OR6J1: variants seen among roughly 807,000 people sequenced by gnomAD.
The protein encoded by OR6J1 is olfactory receptor 6J1.
For synonymous variants in OR6J1, 109 were observed against 70.0 expected, an observed-to-expected ratio of 1.56 and a Z score of -2.78; for missense variants, 304 against 166.8, an observed-to-expected ratio of 1.82 and a Z score of -4.53.
chr14:22,631,569 A>T lies in OR6J1; in HGVS notation c.*2199T>A, dbSNP rs1210352788. ...CCTGTTCTTTTTCCAAGGTGCCCAG[A>T]TTTCGTATTTGTTCAAACACACATG... On this transcript the variant is annotated 3_prime_UTR_variant, in exon 2 of 2. Transcript: ENST00000540461. The T allele has an allele frequency of 6.6e-6, 1 of 152,134 alleles. No individual in the cohort carries two copies. The highest frequency in any genetic ancestry group is 1.5e-5 in the Non-Finnish European group (1 of 68,046). 9.4% of individuals were successfully genotyped at this position (152,134 alleles called of 1,614,324 possible). A position where few individuals can be genotyped will look rare whatever the true frequency, so the allele number is the denominator to read the frequency against.
rs147818966 is a variant in OR6J1 at position 22,641,600 on chromosome 14, G to GAT, written c.-28+2496_-28+2497dup. ...GAAGGAAAGAAAATTATTCTAAAAGGATATATATATATATACATAGTTGGA... is the reference window on the plus strand; with the variant it reads ...GAAGGAAAGAAAATTATTCTAAAAGGATATATATATATATATACATAGTTGGA... On this transcript the variant is annotated intron_variant, in intron 1 of 1. Coordinates refer to ENST00000540461, the MANE Select transcript of OR6J1 (RefSeq NM_001348233.2). Among the ~76,000 whole-genome samples the GAT allele has an allele frequency of 7.3e-4, 109 of 150,280 alleles. No homozygotes were observed. In the East Asian group the frequency reaches 7.3e-3, roughly 10 times the overall value.
chr14:22,636,013 G>A (rs1364189854), intron 1 of OR6J1, among the ~76,000 whole-genome samples: 1 of 151,868 alleles, frequency 6.6e-6, no homozygotes, highest in African/African-American at 2.4e-5. Context: ...TCACAAACAG[G>A]AAGAACATAT....
chr14:22,641,318 A>AGC (rs2037647371), intron 1 of OR6J1, among the ~76,000 whole-genome samples: 1 of 145,886 alleles, frequency 6.9e-6, no homozygotes, highest in African/African-American at 2.5e-5. Context: ...AAAGAGAGAG[A>AGC]GAGGAAGGAA....
chr14:22,636,229 TCTCC>T (rs2037582866), intron 1 of OR6J1, among the ~76,000 whole-genome samples: 1 of 338 alleles, frequency 3.0e-3, no homozygotes, highest in Non-Finnish European at 5.6e-3. Context: ...ACTAGCGCCC[TCTCC>T]CTCTCCCTCT....
intron 1 of OR6J1, among the ~76,000 whole-genome samples, chr14:22,638,847 C>T (rs61972439): frequency 0.1 from 9,572 of 93,616 alleles, 1,653 homozygotes; most frequent in African/African-American, 0.34. Flanking sequence ...GGAGCGTCTC[C>T]GCCCGGCCGC....
At position 22,634,319 on chromosome 14, in the gene OR6J1, G is replaced by A. The variant is rs1046379533; in HGVS notation, c.493C>T (p.Leu165=). The A allele has an allele frequency of 1.4e-6, 1 of 703,298 alleles. No homozygotes were observed. The highest frequency in any genetic ancestry group is 1.7e-5 in the African/African-American group (1 of 57,242). The allele number at this position is 703,298 out of a possible 1,614,324, so 43.6% of individuals were successfully genotyped here. A position where few individuals can be genotyped will look rare whatever the true frequency, so the allele number is the denominator to read the frequency against. The change falls in exon 2 of 2, where the codon CTG becomes TTG. Residue 165 remains leucine, a synonymous_variant. Coordinates refer to ENST00000540461, the MANE Select transcript of OR6J1 (RefSeq NM_001348233.2). ...ATGATATTGGAGCCACAGAAGGGCA[G>A]CTGGGAGATGAGGATGGTTGGAAAG... ...VLFPTILISQ[L]PFCGSNIINH... is the part of the protein sequence containing the mutation.
intron 1 of OR6J1, among the ~76,000 whole-genome samples, chr14:22,637,596 C>T (rs1321657451): frequency 1.5e-4 from 9 of 58,610 alleles, no homozygotes; most frequent in South Asian, 5.5e-4. Flanking sequence ...GGGGGGTCAG[C>T]CCCCCGCCTG....
chr14:22,640,483 G>GTTTTTTTT (rs1457341102), intron 1 of OR6J1, among the ~76,000 whole-genome samples: 2 of 132,650 alleles, frequency 1.5e-5, no homozygotes, highest in Non-Finnish European at 1.6e-5. Context: ...CAGTGAGAAT[G>GTTTTTTTT]TATTTTTTTT....
chr14:22,635,727 T>G (rs978707403), intron 1 of OR6J1, among the ~76,000 whole-genome samples: 1 of 152,244 alleles, frequency 6.6e-6, no homozygotes, highest in Non-Finnish European at 1.5e-5. Context: ...AAGCTGGTAC[T>G]GCTGCTTGTC....
At position 22,630,951 on chromosome 14, in the gene OR6J1, G is replaced by A. The variant is rs966955789; in HGVS notation, c.*2817C>T. 5 of 152,212 alleles carry A rather than the reference G, an allele frequency of 3.3e-5. No homozygotes were observed. Among genetic ancestry groups the A allele is most frequent in the South Asian group, 2.1e-4 (1 of 4,810 alleles). The allele number at this position is 152,212 out of a possible 1,614,324, so 9.4% of individuals were successfully genotyped here. ...AGAGAAATTTTAAAGCTGGGCAGCC[G>A]GGGGAGACATCACATGTCACTAGGT... On this transcript the variant is annotated 3_prime_UTR_variant, in exon 2 of 2. Coordinates refer to ENST00000540461, the MANE Select transcript of OR6J1 (RefSeq NM_001348233.2).
chr14:22,637,053 C>T (rs2037593593), intron 1 of OR6J1, among the ~76,000 whole-genome samples: 1 of 121,834 alleles, frequency 8.2e-6, no homozygotes, highest in Non-Finnish European at 1.6e-5. Flanking sequence ...TGGGGAGCAC[C>T]TCTGCCCCGC....
intron 1 of OR6J1, among the ~76,000 whole-genome samples, chr14:22,642,354 T>TATATATATATATATATATATA (rs56410146): frequency 2.1e-4 from 29 of 137,768 alleles, no homozygotes; most frequent in African/African-American, 3.0e-4. Context: ...TATATATATA[T>TATATATATATATATATATATA]TTGAGATGGA....
chr14:22,634,972 T>C lies in OR6J1; in HGVS notation c.-27-134A>G, dbSNP rs998939504. Reference sequence around the variant, plus strand: ...GTGTAATGCAAGTTTAGCTTGGCTTTCAATTATTTGCCTATCAAAATGGAC... The same window carrying C: ...GTGTAATGCAAGTTTAGCTTGGCTTCCAATTATTTGCCTATCAAAATGGAC... On this transcript the variant is annotated intron_variant, in intron 1 of 1. Coordinates refer to ENST00000540461, the MANE Select transcript of OR6J1 (RefSeq NM_001348233.2). 14 of 567,230 alleles carry C rather than the reference T, an allele frequency of 2.5e-5. No individual in the cohort carries two copies. The African/African-American group carries it at 2.6e-4, about 11-fold the overall frequency. 35.1% of individuals were successfully genotyped at this position (567,230 alleles called of 1,614,324 possible).
chr14:22,637,228 C>G (rs112712525), intron 1 of OR6J1, among the ~76,000 whole-genome samples: 16 of 89,952 alleles, frequency 1.8e-4, no homozygotes, highest in Non-Finnish European at 3.1e-4. Context: ...GCCACCCCGT[C>G]TGGGAAGTGA....
rs2037651431 is a variant in OR6J1 at position 22,641,466 on chromosome 14, AAAAAGAAAGAAAGGAAGGAAGG to A, written c.-28+2610_-28+2631del. ...AAGAGAGAGAAAGAAAGAAAGAAAGAAAAAGAAAGAAAGGAAGGAAGGAAGGAGGGAGGGAGGAAAGAAAGGA... is the reference window on the plus strand; with the variant it reads ...AAGAGAGAGAAAGAAAGAAAGAAAGAAAGGAGGGAGGGAGGAAAGAAAGGA... On this transcript the variant is annotated intron_variant, in intron 1 of 1. Coordinates refer to ENST00000540461, the MANE Select transcript of OR6J1 (RefSeq NM_001348233.2). Among the ~76,000 whole-genome samples the A allele has an allele frequency of 4.0e-5, 5 of 124,318 alleles. No individual in the cohort carries two copies. The East Asian group carries it at 1.1e-3, about 27-fold the overall frequency. The allele number at this position is 124,318 out of a possible 152,430, so 81.6% of individuals were successfully genotyped here.
intron 1 of OR6J1, among the ~76,000 whole-genome samples, 163 bp from the exon 2 acceptor site, chr14:22,635,001 G>A (rs539721601): frequency 6.6e-6 from 1 of 152,194 alleles, no homozygotes; most frequent in Non-Finnish European, 1.5e-5. Flanking sequence ...AATGGACAAG[G>A]TTTTTGAAAA....
rs2037563498 is a variant in OR6J1 at position 22,633,821 on chromosome 14, C to T, written c.991G>A (p.Gly331Arg). The T allele has an allele frequency of 2.8e-6, 2 of 701,878 alleles. No individual in the cohort carries two copies. Among genetic ancestry groups the T allele is most frequent in the Non-Finnish European group, 5.2e-6 (2 of 384,264 alleles). 43.5% of individuals were successfully genotyped at this position (701,878 alleles called of 1,614,324 possible). A position where few individuals can be genotyped will look rare whatever the true frequency, so the allele number is the denominator to read the frequency against. Residue 331 changes from glycine (G) to arginine (R), a missense_variant, in exon 2 of 2, where the codon GGA (glycine) becomes AGA (arginine). Gly to Arg is a moderately radical substitution (Grantham distance 125). Coordinates refer to ENST00000540461, the MANE Select transcript of OR6J1 (RefSeq NM_001348233.2). ...SRLSSNKDHQ[G>R]RACSSPPCVY... ...CATGGTGGAGAAGAGCAAGCCCTTC[C>T]TTGGTGGTCTTTGTTGGAGGATAAT... is the stretch of plus-strand genomic sequence containing the variant.
intron 1 of OR6J1, among the ~76,000 whole-genome samples, chr14:22,641,198 G>GA (rs2037642282): frequency 4.9e-5 from 2 of 41,170 alleles, no homozygotes; most frequent in African/African-American, 4.0e-4. Flanking sequence ...GAGACAGAGA[G>GA]GGAGAGAAAG....
chr14:22,639,981 T>TA (rs2037630552), intron 1 of OR6J1, among the ~76,000 whole-genome samples: 1 of 100,804 alleles, frequency 9.9e-6, no homozygotes, highest in East Asian at 4.2e-4. Flanking sequence ...GAATTATCAA[T>TA]AAAAAAATAA....
Sources: gnomAD v4.1 joint callset for allele counts (sites outside exome capture counted in the v4.1 genomes callset) on GRCh38, gnomAD v4.1.1 for gene constraint, MANE v1.5 for transcripts, NCBI Gene and HGNC (gene_info 2026-07-23, HGNC 2026-07-21) for gene names.